The following PLCB1 variants were observed in gnomAD, a reference collection of about 807,000 sequenced individuals.
The protein encoded by PLCB1 is 1-phosphatidylinositol 4,5-bisphosphate phosphodiesterase beta-1.
A neutral mutation model predicts 161.8 loss-of-function variants in PLCB1; 46 were observed. The observed-to-expected ratio is 0.28, with a 90% CI of 0.22 to 0.36. The LOEUF (loss-of-function observed/expected upper bound fraction) is 0.36. Ranked by LOEUF, PLCB1 falls within the 10% of genes least tolerant of loss-of-function variation. The pLI, the probability that PLCB1 is intolerant of heterozygous loss-of-function variation, is 1.00. For missense variants in PLCB1, 1,016 were observed against 1,472.5 expected, an observed-to-expected ratio of 0.69 and a Z score of 5.07; for synonymous variants, 517 against 503.7, an observed-to-expected ratio of 1.03 and a Z score of -0.35.
intron 2 of PLCB1, among the ~76,000 whole-genome samples, chr20:8,198,193 G>C (rs937095581): frequency 6.6e-6 from 1 of 152,096 alleles, no homozygotes; most frequent in African/African-American, 2.4e-5. Context: ...CCAATTCTGT[G>C]AAGAAAGTCA....
In PLCB1 at chr20:8,321,918, G is replaced by A. The variant is rs78463515; in HGVS notation, c.178-49464G>A. Among the ~76,000 whole-genome samples, 46 of 152,172 alleles carry A rather than the reference G, an allele frequency of 3.0e-4. No homozygotes were observed. The East Asian group carries it at 8.3e-3, about 27-fold the overall frequency. On this transcript the variant is annotated intron_variant, in intron 2 of 31. Transcript: ENST00000338037. Reference sequence around the variant, plus strand: ...TGTGGCTTTCTAAGAGATTTCTCTGGGTTCCACAATGTTTTCAGTTACATG... The same window carrying A: ...TGTGGCTTTCTAAGAGATTTCTCTGAGTTCCACAATGTTTTCAGTTACATG...
chr20:8,843,065 T>G (rs1421994440), intron 31 of PLCB1, among the ~76,000 whole-genome samples: 1 of 152,164 alleles, frequency 6.6e-6, no homozygotes, highest in African/African-American at 2.4e-5. Context: ...TCTTTGCAAT[T>G]GAGAGTAATG....
At chr20:8,842,978 T>C (rs1986564508) in intron 31 of PLCB1, among the ~76,000 whole-genome samples, 1 of 152,138 alleles carries the variant, frequency 6.6e-6, no homozygotes, top group Non-Finnish European at 1.5e-5. Flanking sequence ...CCTCCCTTAA[T>C]AGTTAAATGA....
At chr20:8,478,001 T>C (rs1035720254) in intron 3 of PLCB1, among the ~76,000 whole-genome samples, 1 of 152,208 alleles carries the variant, frequency 6.6e-6, no homozygotes, top group African/African-American at 2.4e-5. Context: ...CCCTGCTTGT[T>C]TCTGGCTTTA....
At chr20:8,369,489 G>A (rs188825164) in intron 2 of PLCB1, among the ~76,000 whole-genome samples, 18 of 152,252 alleles carry the variant, frequency 1.2e-4, no homozygotes, top group East Asian at 7.7e-4. Flanking sequence ...TTTTTCCACC[G>A]TTTCTTCACA....
rs148024246 is a variant in PLCB1, at chr20:8,145,691, G to A, written c.100-4603G>A. Among the ~76,000 whole-genome samples the A allele has an allele frequency of 2.0e-3, 304 of 152,314 alleles. 9 individuals carry two copies. The East Asian group carries it at 0.054, about 27-fold the overall frequency. On this transcript the variant is annotated intron_variant, in intron 1 of 31. Transcript: ENST00000338037. ...TCTCCCTGTTAAAGAGTGTCCCTGT[G>A]AAGGTTTGGAGTTGCCCTGCCTAAC...
At chr20:8,407,326 A>G (rs1294562928) in intron 3 of PLCB1, among the ~76,000 whole-genome samples, 1 of 152,212 alleles carries the variant, frequency 6.6e-6, no homozygotes, top group Non-Finnish European at 1.5e-5. Flanking sequence ...AAAAGGGAAA[A>G]AGAGTAACTT....
intron 31 of PLCB1, among the ~76,000 whole-genome samples, chr20:8,854,972 T>C (rs764330542): frequency 6.6e-6 from 1 of 152,318 alleles, no homozygotes; most frequent in Middle Eastern, 3.4e-3. Context: ...AATTGATATG[T>C]AGGAAAAGTT....
At chr20:8,556,111 A>G (rs1439451367) in intron 3 of PLCB1, among the ~76,000 whole-genome samples, 1 of 152,026 alleles carries the variant, frequency 6.6e-6, no homozygotes, top group African/African-American at 2.4e-5. Flanking sequence ...TAGAATTTAT[A>G]TATATTTCCC....
At chr20:8,766,657 G>C (rs1568590865) in intron 26 of PLCB1, among the ~76,000 whole-genome samples, 1 of 152,198 alleles carries the variant, frequency 6.6e-6, no homozygotes, top group South Asian at 2.1e-4. Context: ...GAAAGAAATT[G>C]ATATGGCGAA....
At chr20:8,232,713 CTGA>C (rs1980119817) in intron 2 of PLCB1, among the ~76,000 whole-genome samples, 1 of 152,136 alleles carries the variant, frequency 6.6e-6, no homozygotes, top group Non-Finnish European at 1.5e-5. Flanking sequence ...CCAGTGTTAC[CTGA>C]TATGTCTTTA....
intron 2 of PLCB1, among the ~76,000 whole-genome samples, chr20:8,260,804 T>G (rs1981649359): frequency 6.6e-6 from 1 of 152,082 alleles, no homozygotes; most frequent in South Asian, 2.1e-4. Flanking sequence ...GGCATGTGCA[T>G]TCATTCTCAA....
chr20:8,708,803 C>G, intron 12 of PLCB1, 51 bp downstream of exon 12: 2 of 1,041,200 alleles, frequency 1.9e-6, no homozygotes, highest in South Asian at 2.6e-5. Context: ...ATAGGGCATA[C>G]TGAGTAATTG....
intron 31 of PLCB1, among the ~76,000 whole-genome samples, chr20:8,802,644 A>C (rs574979729): frequency 1.2e-4 from 19 of 152,204 alleles, no homozygotes; most frequent in Admixed American, 1.1e-3. Context: ...TCAACTTACC[A>C]CAGCCCTCCT....
At chr20:8,866,034 T>G (rs1413473360) in intron 31 of PLCB1, among the ~76,000 whole-genome samples, 1 of 152,216 alleles carries the variant, frequency 6.6e-6, no homozygotes, top group Non-Finnish European at 1.5e-5. Context: ...TCTGTAGACC[T>G]CTTCGAGAAA....
chr20:8,408,465 G>A (rs1455487186), intron 3 of PLCB1, among the ~76,000 whole-genome samples: 2 of 151,096 alleles, frequency 1.3e-5, no homozygotes, highest in Admixed American at 6.6e-5. Context: ...GAAAGAAAAA[G>A]GAAAAATGAA....
At chr20:8,324,058 C>T (rs1250007335) in intron 2 of PLCB1, among the ~76,000 whole-genome samples, 1 of 152,020 alleles carries the variant, frequency 6.6e-6, no homozygotes, top group Admixed American at 6.6e-5. Flanking sequence ...TGCTTTTTCA[C>T]TGAATTAAAC....
intron 31 of PLCB1, among the ~76,000 whole-genome samples, chr20:8,870,501 A>G (rs546761759): frequency 6.6e-6 from 1 of 152,196 alleles, no homozygotes; most frequent in Non-Finnish European, 1.5e-5. Context: ...TTCATGGAAT[A>G]TATGCATATA....
chr20:8,666,124 C>T (rs181764656), intron 9 of PLCB1, among the ~76,000 whole-genome samples: 2 of 152,298 alleles, frequency 1.3e-5, no homozygotes, highest in African/African-American at 4.8e-5. Flanking sequence ...TTGCAAAGTT[C>T]TGATGTGTGT....
Sources: gnomAD v4.1 joint callset for allele counts (sites outside exome capture counted in the v4.1 genomes callset) on GRCh38, gnomAD v4.1.1 for gene constraint, MANE v1.5 for transcripts, NCBI Gene and HGNC (gene_info 2026-07-23, HGNC 2026-07-21) for gene names.